Variants in CABCOCO1 observed in about 807,000 individuals in gnomAD.
CABCOCO1 encodes the protein ciliary associated calcium binding coiled-coil 1.
Under a neutral mutation model 35.7 loss-of-function variants are expected in CABCOCO1, and 28 were observed. The observed-to-expected ratio is 0.78, with a 90% CI of 0.58 to 1.07. CABCOCO1 has a LOEUF of 1.07. Among genes scored for constraint, CABCOCO1 ranks in the 50% least tolerant of loss-of-function variants. The pLI is 0.00. For synonymous variants in CABCOCO1, 95 were observed against 100.1 expected, an observed-to-expected ratio of 0.95 and a Z score of 0.30; for missense variants, 326 against 309.2, an observed-to-expected ratio of 1.05 and a Z score of -0.41.
At chr10:61,752,166 T>C (rs1346803568) in intron 5 of CABCOCO1, among the ~76,000 whole-genome samples, 1 of 152,172 alleles carries the variant, frequency 6.6e-6, no homozygotes, top group Admixed American at 6.5e-5. Context: ...TAATGACATC[T>C]GCCATATATG....
At chr10:61,713,040 AC>A (rs1270031401) in intron 5 of CABCOCO1, among the ~76,000 whole-genome samples, 2 of 152,176 alleles carry the variant, frequency 1.3e-5, no homozygotes, top group East Asian at 3.8e-4. Context: ...CAATTCTGTG[AC>A]GAAAGTCATT....
chr10:61,754,371 T>C (rs956045928), intron 5 of CABCOCO1, among the ~76,000 whole-genome samples: 1 of 152,094 alleles, frequency 6.6e-6, no homozygotes, highest in African/African-American at 2.4e-5. Context: ...CACGGCCAGA[T>C]CAAAACATCT....
At chr10:61,703,227 G>GAC (rs35152499) in intron 5 of CABCOCO1, among the ~76,000 whole-genome samples, 38,368 of 141,330 alleles carry the variant, frequency 0.27, 5,018 homozygotes, top group Non-Finnish European at 0.3. Context: ...CTTGTGAGGA[G>GAC]ACACACACAC....
At chr10:61,730,156 T>C (rs561991814) in intron 5 of CABCOCO1, among the ~76,000 whole-genome samples, 1 of 124,224 alleles carries the variant, frequency 8.0e-6, no homozygotes, top group Non-Finnish European at 1.8e-5. Flanking sequence ...GGTTTCTAAA[T>C]ACCATTGTCC....
chr10:61,760,056 C>A lies in CABCOCO1; in HGVS notation c.553-3C>A. 1 of 1,612,134 alleles carries A rather than the reference C, an allele frequency of 6.2e-7. No homozygotes were observed. The highest frequency in any genetic ancestry group is 8.5e-7 in the Non-Finnish European group (1 of 1,178,902). ...CATAATTCAACTTTTTTCTTCCCAT[C>A]AGCAAGTGATAGAGGTTGTCAAGTC... On this transcript the variant is annotated splice_polypyrimidine_tract_variant and splice_region_variant and intron_variant, in intron 5 of 7. Coordinates refer to ENST00000648843, the MANE Select transcript of CABCOCO1 (RefSeq NM_001366906.2).
intron 3 of CABCOCO1, among the ~76,000 whole-genome samples, chr10:61,681,758 T>G (rs933718144): frequency 1.3e-5 from 2 of 152,096 alleles, no homozygotes; most frequent in African/African-American, 4.8e-5. Flanking sequence ...AGTTATCAAG[T>G]AAAGCAAGGT....
chr10:61,763,717 G>T (rs1353595333), intron 7 of CABCOCO1, among the ~76,000 whole-genome samples: 1 of 151,394 alleles, frequency 6.6e-6, no homozygotes, highest in Non-Finnish European at 1.5e-5. Context: ...AATTTTCCAG[G>T]TTAGAAAAGC....
intron 3 of CABCOCO1, among the ~76,000 whole-genome samples, chr10:61,684,665 C>G (rs1304770258): frequency 6.6e-6 from 1 of 152,178 alleles, no homozygotes; most frequent in African/African-American, 2.4e-5. Context: ...TCATCTCCCC[C>G]AGGCGGCCTG....
At chr10:61,702,222 C>T (rs573038150) in intron 5 of CABCOCO1, among the ~76,000 whole-genome samples, 18 of 152,274 alleles carry the variant, frequency 1.2e-4, no homozygotes, top group Non-Finnish European at 2.5e-4. Context: ...GGAAATTGAA[C>T]TAGATGATCT....
intron 2 of CABCOCO1, among the ~76,000 whole-genome samples, chr10:61,678,477 G>A (rs936214970): frequency 6.6e-6 from 1 of 151,918 alleles, no homozygotes; most frequent in Non-Finnish European, 1.5e-5. Flanking sequence ...GTGTCAAAAT[G>A]TATAGTGACA....
intron 5 of CABCOCO1, among the ~76,000 whole-genome samples, chr10:61,726,557 C>T (rs554995115): frequency 8.6e-5 from 13 of 151,632 alleles, no homozygotes; most frequent in Admixed American, 2.0e-4. Context: ...ACTTGTATTG[C>T]TTGAACTCTT....
chr10:61,757,367 C>G (rs1158391279), intron 5 of CABCOCO1, among the ~76,000 whole-genome samples: 1 of 151,974 alleles, frequency 6.6e-6, no homozygotes, highest in Admixed American at 6.6e-5. Context: ...TTACCCTCAT[C>G]TGAAATTGGG....
intron 5 of CABCOCO1, among the ~76,000 whole-genome samples, chr10:61,709,464 T>C (rs1229788889): frequency 6.6e-6 from 1 of 152,090 alleles, no homozygotes; most frequent in Non-Finnish European, 1.5e-5. Context: ...TGTTTGGATT[T>C]TTTTTTAGCT....
At chr10:61,668,677 A>T (rs1350387715) in intron 1 of CABCOCO1, among the ~76,000 whole-genome samples, 4 of 151,932 alleles carry the variant, frequency 2.6e-5, no homozygotes, top group Non-Finnish European at 4.4e-5. Flanking sequence ...TAACTATTCT[A>T]AGGAATTACC....
chr10:61,749,961 T>C (rs781270867), intron 5 of CABCOCO1, among the ~76,000 whole-genome samples: 1 of 115,074 alleles, frequency 8.7e-6, no homozygotes, highest in Non-Finnish European at 1.8e-5. Flanking sequence ...TCTCAATAAA[T>C]GAGAGCTGCT....
chr10:61,727,714 A>C (rs1349721399), intron 5 of CABCOCO1, among the ~76,000 whole-genome samples: 1 of 152,220 alleles, frequency 6.6e-6, no homozygotes, highest in African/African-American at 2.4e-5. Context: ...GGAACATTTT[A>C]TAATTTTGCA....
intron 5 of CABCOCO1, among the ~76,000 whole-genome samples, chr10:61,755,250 G>A (rs1276444775): frequency 6.6e-6 from 1 of 151,978 alleles, no homozygotes; most frequent in Non-Finnish European, 1.5e-5. Context: ...TTCATATGTT[G>A]CTACTTTATG....
chr10:61,690,824 A>G (rs979477849), intron 5 of CABCOCO1, among the ~76,000 whole-genome samples: 3 of 152,182 alleles, frequency 2.0e-5, no homozygotes, highest in Non-Finnish European at 4.4e-5. Context: ...CATTAAAAGC[A>G]TTGTTAATCA....
At chr10:61,678,356 C>T (rs1430401524) in intron 2 of CABCOCO1, among the ~76,000 whole-genome samples, 1 of 152,016 alleles carries the variant, frequency 6.6e-6, no homozygotes, top group Non-Finnish European at 1.5e-5. Context: ...ATATATCTTG[C>T]CAAATGATGT....
Sources: allele counts gnomAD v4.1 joint callset (sites outside exome capture counted in the v4.1 genomes callset), GRCh38; gene constraint gnomAD v4.1.1; transcripts MANE v1.5; gene names NCBI Gene and HGNC (gene_info 2026-07-23, HGNC 2026-07-21).